The following SMAD2 variants were observed in gnomAD, a reference collection of about 807,000 sequenced individuals.
SMAD2 encodes SMAD family member 2.
In SMAD2, 8 loss-of-function variants were observed where a neutral mutation model predicts 64.4. The observed-to-expected ratio is 0.12, with a 90% CI of 0.07 to 0.22. SMAD2 has a LOEUF of 0.22. SMAD2 is among the 10% of genes least tolerant of loss of function. SMAD2 has a pLI of 1.00. For synonymous variants in SMAD2, 203 were observed against 195.8 expected, an observed-to-expected ratio of 1.04 and a Z score of -0.31; for missense variants, 289 against 561.2, an observed-to-expected ratio of 0.51 and a Z score of 4.90.
In SMAD2 at chr18:47,861,332, A is replaced by T. The variant is rs146114493; in HGVS notation, c.730+3727T>A. On this transcript the variant is annotated intron_variant, in intron 6 of 10. Transcript: ENST00000262160. ...AGAGTGAAACTCCTTCTCAAAAAAC[A>T]ATCAAACAAAAAAAAACTGTCCTTA... is the stretch of plus-strand genomic sequence containing the variant. Among the ~76,000 whole-genome samples, 680 of 152,246 alleles carry T rather than the reference A, an allele frequency of 4.5e-3. 6 individuals carry two copies. Among genetic ancestry groups the T allele is most frequent in the African/African-American group, 0.016 (650 of 41,532 alleles).
chr18:47,820,300 T>G lies in SMAD2; in HGVS notation c.*21527A>C, dbSNP rs551681843. 1.2e-4 allele frequency: 19 copies of G among 152,260 alleles called. No homozygotes were observed. In the South Asian group the frequency reaches 3.1e-3, roughly 25 times the overall value. The allele number at this position is 152,260 out of a possible 1,614,324, so 9.4% of individuals were successfully genotyped here. ...CACTTCAAAATTTTGCTTCCTAGGT[T>G]TTCACTAAAAATTAAGGTTAATAAG... On this transcript the variant is annotated 3_prime_UTR_variant, in exon 11 of 11. Transcript: ENST00000262160.
intron 2 of SMAD2, among the ~76,000 whole-genome samples, chr18:47,891,889 C>T (rs1034407783): frequency 1.3e-5 from 2 of 151,972 alleles, no homozygotes; most frequent in African/African-American, 4.8e-5. Context: ...AAGTGATATA[C>T]TTTTATATAT....
Position 47,829,588 on chromosome 18 carries a change from A to C in SMAD2, c.*12239T>G, listed in dbSNP as rs1912908028. 1 of 149,016 alleles carries C rather than the reference A, an allele frequency of 6.7e-6. No individual in the cohort carries two copies. Among genetic ancestry groups the C allele is most frequent in the Admixed American group, 6.8e-5 (1 of 14,766 alleles). The allele number at this position is 149,016 out of a possible 1,614,324, so 9.2% of individuals were successfully genotyped here. ...TTAAAGTAATCAATTAGGTATTCTA[A>C]AAGAAGGCAGTTTTCTAGGGGTTTA... On this transcript the variant is annotated 3_prime_UTR_variant, in exon 11 of 11. Transcript: ENST00000262160.
intron 2 of SMAD2, among the ~76,000 whole-genome samples, chr18:47,883,207 C>T (rs2032709950): frequency 6.6e-6 from 1 of 152,184 alleles, no homozygotes; most frequent in Admixed American, 6.5e-5. Context: ...ATGTGATATG[C>T]TGTATTTTCA....
In SMAD2 at chr18:47,841,953, G is replaced by A. The variant is rs2144277190; in HGVS notation, c.1281-3C>T. 6.2e-7 allele frequency: 1 copy of A among 1,614,044 alleles called. No individual in the cohort carries two copies. On this transcript the variant is annotated splice_polypyrimidine_tract_variant and splice_region_variant and intron_variant, in intron 10 of 10. Coordinates refer to ENST00000262160, the MANE Select transcript of SMAD2 (RefSeq NM_005901.6). ...GAGTACTTGTTACCGTCTGCCTTCT[G>A]TTTAAAAGAATACAGGAAAATGATT...
At chr18:47,887,264 C>T (rs2032961871) in intron 2 of SMAD2, among the ~76,000 whole-genome samples, 1 of 152,208 alleles carries the variant, frequency 6.6e-6, no homozygotes, top group Non-Finnish European at 1.5e-5. Context: ...CCAGCCACAG[C>T]AAAGCCAAAA....
At chr18:47,920,854 A>G (rs1189735895) in intron 1 of SMAD2, among the ~76,000 whole-genome samples, 1 of 152,240 alleles carries the variant, frequency 6.6e-6, no homozygotes, top group Non-Finnish European at 1.5e-5. Flanking sequence ...CAGAGGACTG[A>G]TGATATATTC....
chr18:47,847,039 A>G (rs1429482411), intron 8 of SMAD2, among the ~76,000 whole-genome samples: 1 of 152,150 alleles, frequency 6.6e-6, no homozygotes, highest in Non-Finnish European at 1.5e-5. Flanking sequence ...TCCCTGATCA[A>G]TATCACCTAT....
At chr18:47,851,854 C>G (rs2030126955) in intron 6 of SMAD2, among the ~76,000 whole-genome samples, 2 of 152,150 alleles carry the variant, frequency 1.3e-5, no homozygotes, top group Admixed American at 6.5e-5. Context: ...AATAACTAAT[C>G]TTGACCGTTT....
chr18:47,861,181 C>T (rs908467248), intron 6 of SMAD2, among the ~76,000 whole-genome samples: 3 of 152,058 alleles, frequency 2.0e-5, no homozygotes, highest in African/African-American at 7.2e-5. Flanking sequence ...CGTGGAGAAA[C>T]TCCGTCTCTA....
Position 47,833,397 on chromosome 18 carries a change from T to C in SMAD2, c.*8430A>G. ...CCAGCTGTAATAAAGCCTCAGCTCA[T>C]TGTTTAATAAAAATAAAAAAGGAAC... On this transcript the variant is annotated 3_prime_UTR_variant, in exon 11 of 11. Transcript: ENST00000262160. 1 of 223,338 alleles carries C rather than the reference T, an allele frequency of 4.5e-6. No homozygotes were observed. Among genetic ancestry groups the C allele is most frequent in the East Asian group, 6.5e-5 (1 of 15,350 alleles). The allele number at this position is 223,338 out of a possible 1,614,324, so 13.8% of individuals were successfully genotyped here.
At chr18:47,850,548 A>T (rs1410990430) in intron 7 of SMAD2, among the ~76,000 whole-genome samples, 412 of 15,196 alleles carry the variant, frequency 0.027, 28 homozygotes, top group African/African-American at 0.054. Flanking sequence ...TTATATATAT[A>T]ATATATATTA....
At chr18:47,878,025 G>C (rs1306790716) in intron 2 of SMAD2, among the ~76,000 whole-genome samples, 3 of 152,026 alleles carry the variant, frequency 2.0e-5, no homozygotes, top group Non-Finnish European at 4.4e-5. Context: ...TTATCTTGTA[G>C]CAATGAAATA....
intron 1 of SMAD2, among the ~76,000 whole-genome samples, chr18:47,909,481 G>C (rs539471538): frequency 5.6e-4 from 85 of 152,224 alleles, no homozygotes; most frequent in Non-Finnish European, 1.0e-3. Flanking sequence ...TAATGCAGGC[G>C]CAAGTGCTGT....
At chr18:47,928,109 C>G (rs2034841821) in intron 1 of SMAD2, among the ~76,000 whole-genome samples, 2 of 152,088 alleles carry the variant, frequency 1.3e-5, no homozygotes, top group Admixed American at 1.3e-4. Flanking sequence ...CCTCTACCCT[C>G]TAAAAATGAC....
intron 1 of SMAD2, among the ~76,000 whole-genome samples, chr18:47,917,693 T>C (rs527913908): frequency 1.3e-5 from 2 of 152,260 alleles, no homozygotes; most frequent in South Asian, 4.1e-4. Flanking sequence ...CATCATTGCA[T>C]TGTAGATGAA....
At position 47,857,067 on chromosome 18, in the gene SMAD2, C is replaced by T. The variant is rs189255670; in HGVS notation, c.731-5740G>A. On this transcript the variant is annotated intron_variant, in intron 6 of 10. Coordinates refer to ENST00000262160, the MANE Select transcript of SMAD2 (RefSeq NM_005901.6). ...AGAGACGGGGTTTCACCGTTTTAGCCGGGATGGTCTCGATCTCCTGACCTC... is the reference window on the plus strand; with the variant it reads ...AGAGACGGGGTTTCACCGTTTTAGCTGGGATGGTCTCGATCTCCTGACCTC... Among the ~76,000 whole-genome samples, 1,112 of 152,030 alleles carry T rather than the reference C, an allele frequency of 7.3e-3. 8 individuals carry two copies. The highest frequency in any genetic ancestry group is 0.025 in the African/African-American group (1,047 of 41,482).
chr18:47,916,344 T>A (rs2034334886), intron 1 of SMAD2, among the ~76,000 whole-genome samples: 1 of 152,194 alleles, frequency 6.6e-6, no homozygotes. Flanking sequence ...GGGGTCTTCA[T>A]TTGTAGTCTG....
Position 47,845,651 on chromosome 18 carries a change from T to C in SMAD2, c.1135+12A>G, listed in dbSNP as rs1449385252. On this transcript the variant is annotated intron_variant, in intron 9 of 10. Coordinates refer to ENST00000262160, the MANE Select transcript of SMAD2 (RefSeq NM_005901.6). The stretch of plus-strand genomic sequence containing the variant: ...TGACATGATAGGTTTATGTACATTA[T>C]TGAATCCATACCTGGTGGAATTTTA... The C allele has an allele frequency of 3.7e-6, 6 of 1,613,804 alleles. No individual in the cohort carries two copies. Among genetic ancestry groups the C allele is most frequent in the African/African-American group, 1.3e-5 (1 of 75,054 alleles).
Sources: gnomAD v4.1 joint callset for allele counts (sites outside exome capture counted in the v4.1 genomes callset) on GRCh38, gnomAD v4.1.1 for gene constraint, MANE v1.5 for transcripts, NCBI Gene and HGNC (gene_info 2026-07-23, HGNC 2026-07-21) for gene names.